DMRT1: variants seen among roughly 807,000 people sequenced by gnomAD.
DMRT1 encodes doublesex and mab-3 related transcription factor 1, also known as doublesex- and mab-3-related transcription factor 1.
In DMRT1, 7 loss-of-function variants were observed where a neutral mutation model predicts 32.3. That is an observed-to-expected ratio of 0.22 (90% CI 0.12 to 0.41). The LOEUF (loss-of-function observed/expected upper bound fraction) is 0.41. Among genes scored for constraint, DMRT1 ranks in the 10% least tolerant of loss-of-function variants. The probability of loss-of-function intolerance (pLI) is 1.00; values close to 1 mark genes in which losing one functional copy is unlikely to be tolerated. For synonymous variants in DMRT1, 278 were observed against 206.1 expected (o/e 1.35, Z -2.99); for missense variants, 625 against 500.5 (o/e 1.25, Z -2.37).
chr9:878,293 A>C (rs1210670041), intron 2 of DMRT1, among the ~76,000 whole-genome samples: 1 of 145,834 alleles, frequency 6.9e-6, no homozygotes, highest in Non-Finnish European at 1.5e-5. Context: ...AAAGGAGGAG[A>C]TGGGACTGTG....
chr9:852,690 C>T (rs916659944), intron 2 of DMRT1, among the ~76,000 whole-genome samples: 3 of 152,190 alleles, frequency 2.0e-5, no homozygotes, highest in East Asian at 3.9e-4. Context: ...GGGGCCCTCC[C>T]TTTTGGAGCA....
intron 4 of DMRT1, among the ~76,000 whole-genome samples, chr9:958,696 A>G (rs1420425041): frequency 6.6e-6 from 1 of 152,212 alleles, no homozygotes; most frequent in African/African-American, 2.4e-5. Flanking sequence ...AAAACTTTCT[A>G]AAAACCATAT....
At chr9:897,168 A>C (rs1243499151) in intron 3 of DMRT1, among the ~76,000 whole-genome samples, 1 of 151,284 alleles carries the variant, frequency 6.6e-6, no homozygotes, top group Admixed American at 6.6e-5. Context: ...GCTGGGGTGC[A>C]GTGGCGCCAT....
intron 2 of DMRT1, among the ~76,000 whole-genome samples, chr9:869,693 C>T (rs1211493923): frequency 6.6e-6 from 1 of 152,034 alleles, no homozygotes; most frequent in African/African-American, 2.4e-5. Context: ...GACTTTGTTT[C>T]TCCTCCCTAT....
chr9:900,647 C>T (rs966792856), intron 3 of DMRT1, among the ~76,000 whole-genome samples: 22 of 151,274 alleles, frequency 1.5e-4, no homozygotes, highest in African/African-American at 5.1e-4. Context: ...ACAACAAAGA[C>T]ATAATAGGGA....
At chr9:961,432 C>G (rs753521520) in intron 4 of DMRT1, among the ~76,000 whole-genome samples, 2 of 152,206 alleles carry the variant, frequency 1.3e-5, no homozygotes, top group Non-Finnish European at 2.9e-5. Flanking sequence ...ACCACAGATT[C>G]TTCCTTCCTC....
chr9:941,884 T>C (rs574281590), intron 4 of DMRT1, among the ~76,000 whole-genome samples: 3 of 152,350 alleles, frequency 2.0e-5, no homozygotes, highest in East Asian at 1.9e-4. Context: ...ATAAATCTTA[T>C]CTGGTTATGA....
chr9:949,784 A>G (rs1819370341), intron 4 of DMRT1, among the ~76,000 whole-genome samples: 1 of 152,092 alleles, frequency 6.6e-6, no homozygotes, highest in South Asian at 2.1e-4. Context: ...GCTATTTTAG[A>G]TTTCTCATGT....
Position 968,221 on chromosome 9 carries a change from G to A in DMRT1, c.*82G>A. The A allele has an allele frequency of 1.3e-6, 2 of 1,519,380 alleles. No homozygotes were observed. Among genetic ancestry groups the A allele is most frequent in the Non-Finnish European group, 1.8e-6 (2 of 1,110,432 alleles). 94.1% of individuals were successfully genotyped at this position (1,519,380 alleles called of 1,614,324 possible). On this transcript the variant is annotated 3_prime_UTR_variant, in exon 5 of 5. Coordinates refer to ENST00000382276, the MANE Select transcript of DMRT1 (RefSeq NM_021951.3). ...ATGGGGTTTGTTAATATTTTGCATT[G>A]ACTCATACTATCTTAACTGTTGAGA...
rs867243170 is a variant in DMRT1 at position 854,100 on chromosome 9, C to A, written c.538+6957C>A. Among the ~76,000 whole-genome samples, 45 of 145,822 alleles carry A rather than the reference C, an allele frequency of 3.1e-4. 1 individual carries two copies. Among genetic ancestry groups the A allele is most frequent in the Middle Eastern group, 3.6e-3 (1 of 280 alleles). ...TGCTGGGATTACAGGTGTGAGCCTACACACTAAGCCCATTTTTTTTTTTTA... is the reference window on the plus strand; with the variant it reads ...TGCTGGGATTACAGGTGTGAGCCTAAACACTAAGCCCATTTTTTTTTTTTA... On this transcript the variant is annotated intron_variant, in intron 2 of 4. Coordinates refer to ENST00000382276, the MANE Select transcript of DMRT1 (RefSeq NM_021951.3).
At chr9:919,476 A>C (rs1277378127) in intron 4 of DMRT1, among the ~76,000 whole-genome samples, 1 of 152,138 alleles carries the variant, frequency 6.6e-6, no homozygotes, top group Non-Finnish European at 1.5e-5. Context: ...ACTGCTTTTT[A>C]ATGCTTTTCT....
intron 4 of DMRT1, among the ~76,000 whole-genome samples, chr9:927,224 C>G (rs956886415): frequency 6.6e-6 from 1 of 152,216 alleles, no homozygotes; most frequent in Admixed American, 6.5e-5. Context: ...TTCGGCCGGC[C>G]GCTGTCTTTG....
At chr9:933,771 A>G (rs1029965297) in intron 4 of DMRT1, among the ~76,000 whole-genome samples, 2 of 152,204 alleles carry the variant, frequency 1.3e-5, no homozygotes, top group Admixed American at 1.3e-4. Flanking sequence ...CAATATTTCC[A>G]TCATCATAGG....
intron 4 of DMRT1, among the ~76,000 whole-genome samples, chr9:949,387 A>G (rs1358365663): frequency 6.6e-6 from 1 of 151,980 alleles, no homozygotes; most frequent in African/African-American, 2.4e-5. Flanking sequence ...ACCCCAAAAA[A>G]CCCACAAAAA....
chr9:957,011 G>A (rs1460739847), intron 4 of DMRT1, among the ~76,000 whole-genome samples: 1 of 152,170 alleles, frequency 6.6e-6, no homozygotes. Context: ...TCAGCATATT[G>A]CATGAAGCTG....
chr9:869,156 A>G (rs1309561602), intron 2 of DMRT1, among the ~76,000 whole-genome samples: 1 of 152,166 alleles, frequency 6.6e-6, no homozygotes. Flanking sequence ...ACCTTGTTAG[A>G]TTTTTATCCG....
At chr9:904,621 C>T (rs139216463) in intron 3 of DMRT1, among the ~76,000 whole-genome samples, 94 of 152,276 alleles carry the variant, frequency 6.2e-4, no homozygotes, top group African/African-American at 2.0e-3. Flanking sequence ...AGTACTGGCT[C>T]ATGGTGGAAT....
At chr9:935,769 C>T (rs1818866017) in intron 4 of DMRT1, among the ~76,000 whole-genome samples, 2 of 152,198 alleles carry the variant, frequency 1.3e-5, no homozygotes, top group Admixed American at 6.5e-5. Context: ...TGTTTATATC[C>T]ATCCAAGTGG....
At chr9:941,990 C>G (rs1819089299) in intron 4 of DMRT1, among the ~76,000 whole-genome samples, 1 of 152,134 alleles carries the variant, frequency 6.6e-6, no homozygotes, top group Non-Finnish European at 1.5e-5. Flanking sequence ...CTTTCTATCC[C>G]AGTTTGTGGT....
Sources: gnomAD v4.1 joint callset for allele counts (sites outside exome capture counted in the v4.1 genomes callset) on GRCh38, gnomAD v4.1.1 for gene constraint, MANE v1.5 for transcripts, NCBI Gene and HGNC (gene_info 2026-07-23, HGNC 2026-07-21) for gene names.